The following IVD variants were observed in gnomAD, a reference collection of about 807,000 sequenced individuals.
The protein encoded by IVD is isovaleryl-CoA dehydrogenase.
Under a neutral mutation model 51.3 loss-of-function variants are expected in IVD, and 31 were observed. That is an observed-to-expected ratio of 0.60 (90% CI 0.45 to 0.81). IVD has a LOEUF of 0.81. Ranked by LOEUF, IVD falls within the 40% of genes least tolerant of loss-of-function variation. The probability of loss-of-function intolerance (pLI) is 0.00; values close to 1 mark genes in which losing one functional copy is unlikely to be tolerated. For synonymous variants in IVD, 205 were observed against 219.4 expected, an observed-to-expected ratio of 0.93 and a Z score of 0.58; for missense variants, 475 against 552.0, an observed-to-expected ratio of 0.86 and a Z score of 1.40.
downstream of IVD, among the ~76,000 whole-genome samples, chr15:40,426,460 C>T (rs2141415151): frequency 6.6e-6 from 1 of 151,702 alleles, no homozygotes; most frequent in East Asian, 1.9e-4. Flanking sequence ...ATAGCTAGAA[C>T]CTGGGAGGCA....
chr15:40,415,062 C>T, intron 8 of IVD, 80 bp downstream of exon 8: 1 of 1,543,514 alleles, frequency 6.5e-7, no homozygotes, highest in Non-Finnish European at 8.8e-7. Flanking sequence ...CAGCAGCCTT[C>T]CCCTTGCGGG....
intron 11 of IVD, among the ~76,000 whole-genome samples, chr15:40,417,459 TATC>T (rs1285512899): frequency 1.4e-5 from 2 of 141,510 alleles, no homozygotes; most frequent in African/African-American, 5.4e-5. Context: ...AGAGAGCCAA[TATC>T]ATGCCACTGC....
chr15:40,410,530 A>T (rs949675870), intron 3 of IVD, 98 bp from the exon 4 acceptor site: 2 of 1,373,042 alleles, frequency 1.5e-6, no homozygotes, highest in Non-Finnish European at 2.1e-6. Flanking sequence ...AGGTGCTACA[A>T]GGTGCTTCCC....
chr15:40,435,679 T>C (rs1034428207), downstream of IVD: 1 of 1,031,412 alleles, frequency 9.7e-7, no homozygotes, highest in Non-Finnish European at 1.2e-6. Flanking sequence ...CCTACCCACT[T>C]CTCCAGCCTC....
chr15:40,415,224 G>C (rs1214032316), intron 8 of IVD, 177 bp from the exon 9 acceptor site: 4 of 732,304 alleles, frequency 5.5e-6, no homozygotes, highest in Non-Finnish European at 9.3e-6. Context: ...GCTGTGAAAC[G>C]ACACCTGGGC....
chr15:40,411,664 G>A lies in IVD; in HGVS notation c.660G>A (p.Arg220=), dbSNP rs963770828. The A allele has an allele frequency of 6.2e-7, 1 of 1,614,216 alleles. No individual in the cohort carries two copies. The highest frequency in any genetic ancestry group is 1.3e-5 in the African/African-American group (1 of 75,052). Residue 220 remains arginine (R), a synonymous_variant, in exon 6 of 12, where the codon CGG becomes CGA. Coordinates refer to ENST00000487418, the MANE Select transcript of IVD (RefSeq NM_002225.5). ...KTDLAAVPAS[R]GITAFIVEKG... ...ATCTGGCTGCTGTGCCAGCTTCTCG[G>A]GGCATCACAGCCTTCATTGTGGAGA...
intron 11 of IVD, among the ~76,000 whole-genome samples, chr15:40,417,225 A>G (rs1284232231): frequency 6.5e-5 from 9 of 138,366 alleles, no homozygotes; most frequent in African/African-American, 2.4e-4. Context: ...AAAAAAAAAA[A>G]GGCCGGGCAC....
chr15:40,411,821 G>T, intron 6 of IVD, 130 bp downstream of exon 6: 1 of 1,123,668 alleles, frequency 8.9e-7, no homozygotes, highest in Non-Finnish European at 1.3e-6. Context: ...TGGGGGTGAG[G>T]CAGAGAGCAG....
intron 7 of IVD, among the ~76,000 whole-genome samples, chr15:40,429,831 G>A (rs1191499511): frequency 6.6e-6 from 1 of 152,348 alleles, no homozygotes; most frequent in African/African-American, 2.4e-5. Flanking sequence ...TAGCTTCTCA[G>A]GGAAGCCATC....
downstream of IVD, among the ~76,000 whole-genome samples, chr15:40,423,681 C>T (rs1425435310): frequency 6.6e-6 from 1 of 152,122 alleles, no homozygotes; most frequent in Non-Finnish European, 1.5e-5. Context: ...AGGCTGGTCT[C>T]AAACTCTTGA....
At chr15:40,416,048 T>A in intron 9 of IVD, 30 bp from the exon 10 acceptor site, 1 of 1,603,798 alleles carries the variant, frequency 6.2e-7, no homozygotes, top group Non-Finnish European at 8.5e-7. Flanking sequence ...TGTTCCAGCA[T>A]GTTGACCTGT....
At chr15:40,423,539 G>A (rs1452076980), downstream of IVD, among the ~76,000 whole-genome samples, 1 of 152,180 alleles carries the variant, frequency 6.6e-6, no homozygotes, top group Admixed American at 6.5e-5. Flanking sequence ...TCAGCTGACT[G>A]CAACCTCCGC....
chr15:40,413,414 A>G (rs1190186383), intron 7 of IVD, among the ~76,000 whole-genome samples: 1 of 151,952 alleles, frequency 6.6e-6, no homozygotes, highest in East Asian at 1.9e-4. Context: ...TAACTCATTA[A>G]CTCACGTTTT....
At chr15:40,406,128 C>T in intron 1 of IVD, 157 bp downstream of exon 1, 1 of 1,538,002 alleles carries the variant, frequency 6.5e-7, no homozygotes. Context: ...GGACGCGGGG[C>T]CTCCGACCTC....
chr15:40,410,259 C>G (rs1385697958), intron 3 of IVD, among the ~76,000 whole-genome samples: 1 of 152,190 alleles, frequency 6.6e-6, no homozygotes, highest in Non-Finnish European at 1.5e-5. Flanking sequence ...CACCTCCACC[C>G]CAATGCCTTT....
Position 40,405,831 on chromosome 15 carries a change from G to A in IVD, c.4G>A (p.Ala2Thr), listed in dbSNP as rs184431945. M[A>T]TATRLLGWRV... is the part of the protein sequence containing the mutation. ...TGGCTCTTCGTGCATGGCAGAGATGGCGACTGCGACTCGGCTGCTGGGGTG... is the reference window on the plus strand; with the variant it reads ...TGGCTCTTCGTGCATGGCAGAGATGACGACTGCGACTCGGCTGCTGGGGTG... The change falls in exon 1 of 12, where the codon GCG (alanine) becomes ACG (threonine). Residue 2 changes from alanine to threonine, a missense_variant. Physicochemically the swap from Ala to Thr is moderately conservative, Grantham distance 58. Transcript: ENST00000487418. 8 of 1,611,876 alleles carry A rather than the reference G, an allele frequency of 5.0e-6. No homozygotes were observed. The South Asian group carries it at 7.7e-5, about 16-fold the overall frequency.
chr15:40,417,594 C>T (rs1346233560), intron 11 of IVD, among the ~76,000 whole-genome samples: 1 of 151,908 alleles, frequency 6.6e-6, no homozygotes, highest in African/African-American at 2.4e-5. Flanking sequence ...AAGTGTTGTG[C>T]CATGCTGCTC....
chr15:40,412,820 G>C, intron 6 of IVD, 171 bp from the exon 7 acceptor site: 2 of 621,664 alleles, frequency 3.2e-6, no homozygotes, highest in Non-Finnish European at 5.8e-6. Flanking sequence ...GATCAATCTG[G>C]GGCGTTAGCA....
chr15:40,414,289 T>G (rs1031844988), intron 7 of IVD: 2 of 161,084 alleles, frequency 1.2e-5, no homozygotes, highest in Admixed American at 1.1e-4. Flanking sequence ...GTGCAGCTCC[T>G]TCTTTGTTGA....
Sources: gnomAD v4.1 joint callset for allele counts (sites outside exome capture counted in the v4.1 genomes callset) on GRCh38, gnomAD v4.1.1 for gene constraint, MANE v1.5 for transcripts, NCBI Gene and HGNC (gene_info 2026-07-23, HGNC 2026-07-21) for gene names.